Variants in CCNY observed in about 807,000 individuals in gnomAD.
The protein encoded by CCNY is cyclin-Y.
In CCNY, 19 loss-of-function variants were observed where a neutral mutation model predicts 42.8. The observed-to-expected ratio is 0.44, with a 90% CI of 0.31 to 0.65. The LOEUF is 0.65. CCNY is among the 30% of genes least tolerant of loss of function. The probability of loss-of-function intolerance (pLI) is 0.07; values close to 1 mark genes in which losing one functional copy is unlikely to be tolerated. For missense variants in CCNY, 370 were observed against 437.3 expected, an observed-to-expected ratio of 0.85 and a Z score of 1.37; for synonymous variants, 165 against 162.7, an observed-to-expected ratio of 1.01 and a Z score of -0.11.
chr10:35,434,395 G>A (rs960041525), intron 1 of CCNY, among the ~76,000 whole-genome samples: 3 of 152,206 alleles, frequency 2.0e-5, no homozygotes, highest in African/African-American at 2.4e-5. Flanking sequence ...GTGGAGTGGC[G>A]CATCCTCAGG....
At chr10:35,403,387 A>C (rs776711454) in intron 1 of CCNY, among the ~76,000 whole-genome samples, 5 of 152,158 alleles carry the variant, frequency 3.3e-5, no homozygotes, top group Non-Finnish European at 7.3e-5. Flanking sequence ...GATAGATGGA[A>C]GTTTCAGCAG....
chr10:35,373,173 TC>T, intron 1 of CCNY, among the ~76,000 whole-genome samples: 1 of 152,362 alleles, frequency 6.6e-6, no homozygotes, highest in South Asian at 2.1e-4. Flanking sequence ...CCCTGCTTCT[TC>T]CTGGTGCGGT....
intron 1 of CCNY, among the ~76,000 whole-genome samples, chr10:35,454,650 C>T (rs931283863): frequency 6.6e-6 from 1 of 152,214 alleles, no homozygotes; most frequent in South Asian, 2.1e-4. Context: ...TGCCTTTAAC[C>T]AGCCAGTGGG....
intron 4 of CCNY, among the ~76,000 whole-genome samples, chr10:35,518,221 C>G (rs567468814): frequency 2.0e-5 from 3 of 152,338 alleles, no homozygotes; most frequent in South Asian, 4.1e-4. Context: ...GTTCATCGGT[C>G]AACTCTAGGA....
chr10:35,526,238 C>T lies in CCNY; in HGVS notation c.401+239C>T, dbSNP rs112459051. 3.4e-3 allele frequency among the ~76,000 whole-genome samples: 516 copies of T among 152,312 alleles called. 4 individuals carry two copies. Among genetic ancestry groups the T allele is most frequent in the African/African-American group, 0.012 (483 of 41,566 alleles). On this transcript the variant is annotated intron_variant, in intron 5 of 9. Coordinates refer to ENST00000374704, the MANE Select transcript of CCNY (RefSeq NM_145012.6). ...CAGCAAAACAGACAAAGCTTCTCAA[C>T]GATGTTTGGCTTCCTTTTTCTTCTT...
At chr10:35,348,168 C>T (rs115823825) in intron 1 of CCNY, among the ~76,000 whole-genome samples, 1 of 152,162 alleles carries the variant, frequency 6.6e-6, no homozygotes, top group African/African-American at 2.4e-5. Context: ...AGATTGTGTT[C>T]TATATTCTGA....
chr10:35,460,692 C>G (rs1446579887), intron 1 of CCNY, among the ~76,000 whole-genome samples: 1 of 152,206 alleles, frequency 6.6e-6, no homozygotes, highest in Non-Finnish European at 1.5e-5. Context: ...AATGTGTTAT[C>G]TATTCTGTTG....
At chr10:35,445,232 G>T (rs185609376) in intron 1 of CCNY, among the ~76,000 whole-genome samples, 2 of 152,120 alleles carry the variant, frequency 1.3e-5, no homozygotes, top group African/African-American at 4.8e-5. Context: ...ATGAAGGAGA[G>T]CCTTTAGAGA....
intron 1 of CCNY, among the ~76,000 whole-genome samples, chr10:35,464,608 G>A (rs1476416484): frequency 6.8e-6 from 1 of 147,952 alleles, no homozygotes; most frequent in East Asian, 2.0e-4. Context: ...GGTGTACTTT[G>A]CTTCTTATGC....
At chr10:35,535,513 TGTATATGTGTATGTATAC>T (rs1840867947) in intron 7 of CCNY, among the ~76,000 whole-genome samples, 1 of 151,962 alleles carries the variant, frequency 6.6e-6, no homozygotes, top group Non-Finnish European at 1.5e-5. Flanking sequence ...TATATGTGTA[TGTATATGTGTATGTATAC>T]GTATATGTAT....
intron 7 of CCNY, among the ~76,000 whole-genome samples, chr10:35,552,553 T>A (rs1359993733): frequency 3.3e-5 from 5 of 152,234 alleles, no homozygotes; most frequent in Non-Finnish European, 7.3e-5. Flanking sequence ...AATGGTAAAT[T>A]ACATGTTGTG....
In CCNY at chr10:35,258,324, T is replaced by A. The variant is rs539956395; in HGVS notation, c.-9+7698T>A. Among the ~76,000 whole-genome samples the A allele has an allele frequency of 3.9e-5, 6 of 152,338 alleles. No individual in the cohort carries two copies. The South Asian group carries it at 1.0e-3, about 26-fold the overall frequency. On this transcript the variant is annotated intron_variant, in intron 3 of 11. Transcript: ENST00000374706. ...TGTCTTCTGAGGCCTCTTCTGAGCC[T>A]GTGCCTTTCCCTGGGCAGGTGTGAG... is the stretch of plus-strand genomic sequence containing the variant.
chr10:35,545,478 G>A (rs1266115476), intron 7 of CCNY, among the ~76,000 whole-genome samples: 2 of 152,180 alleles, frequency 1.3e-5, no homozygotes, highest in African/African-American at 2.4e-5. Flanking sequence ...TCATGCTCAC[G>A]CAGCGTTCTC....
intron 3 of CCNY, among the ~76,000 whole-genome samples, chr10:35,331,106 T>C (rs534127040): frequency 6.6e-6 from 1 of 152,330 alleles, no homozygotes; most frequent in East Asian, 1.9e-4. Flanking sequence ...CACTCACATC[T>C]TATTGGCCAG....
chr10:35,317,940 T>C (rs1195039918), intron 3 of CCNY, among the ~76,000 whole-genome samples: 3 of 152,200 alleles, frequency 2.0e-5, no homozygotes, highest in African/African-American at 7.2e-5. Flanking sequence ...CTATCTTACA[T>C]AGTTCCAGCC....
In CCNY at chr10:35,412,308, A is replaced by G. The variant is rs1466978987; in HGVS notation, c.155-71096A>G. Among the ~76,000 whole-genome samples the G allele has an allele frequency of 2.6e-5, 4 of 152,214 alleles. No individual in the cohort carries two copies. The East Asian group carries it at 5.8e-4, about 22-fold the overall frequency. On this transcript the variant is annotated intron_variant, in intron 1 of 9. Transcript: ENST00000374704. Reference sequence around the variant, plus strand: ...ACTTTAACATTTATTGATTGCCTATAAAAAATTAGGCATTGTGCTAAGGCA... The same window carrying G: ...ACTTTAACATTTATTGATTGCCTATGAAAAATTAGGCATTGTGCTAAGGCA...
At chr10:35,564,326 C>T (rs1841524467) in intron 8 of CCNY, among the ~76,000 whole-genome samples, 1 of 152,168 alleles carries the variant, frequency 6.6e-6, no homozygotes, top group Non-Finnish European at 1.5e-5. Context: ...TCCTTCCTTG[C>T]CGCCTGCCCA....
chr10:35,285,388 T>C (rs1257555910), intron 3 of CCNY, among the ~76,000 whole-genome samples: 3 of 152,110 alleles, frequency 2.0e-5, no homozygotes, highest in Non-Finnish European at 4.4e-5. Context: ...GTAGACAGCA[T>C]GTATTTGGTT....
chr10:35,559,046 A>C (rs1465186431), intron 8 of CCNY, among the ~76,000 whole-genome samples: 1 of 152,226 alleles, frequency 6.6e-6, no homozygotes, highest in East Asian at 1.9e-4. Context: ...TTGTTGGTAG[A>C]AATGTGGGCA....
Sources: gnomAD v4.1 joint callset for allele counts (sites outside exome capture counted in the v4.1 genomes callset) on GRCh38, gnomAD v4.1.1 for gene constraint, MANE v1.5 for transcripts, NCBI Gene and HGNC (gene_info 2026-07-23, HGNC 2026-07-21) for gene names.